Variants in FRMD4B observed in about 807,000 individuals in gnomAD.
FRMD4B encodes FERM domain-containing protein 4B.
A neutral mutation model predicts 141.5 loss-of-function variants in FRMD4B; 74 were observed. That is an observed-to-expected ratio of 0.52 (90% CI 0.43 to 0.63). FRMD4B has a LOEUF of 0.63. Among genes scored for constraint, FRMD4B ranks in the 30% least tolerant of loss-of-function variants. The pLI is 0.00. For missense variants in FRMD4B, 1,366 were observed against 1,253.4 expected (o/e 1.09, Z -1.36); for synonymous variants, 506 against 467.9 (o/e 1.08, Z -1.05).
chr3:69,517,446 A>T (rs942854123), intron 1 of FRMD4B, among the ~76,000 whole-genome samples: 2 of 148,864 alleles, frequency 1.3e-5, no homozygotes, highest in Admixed American at 6.7e-5. Context: ...AGAAAAAAAA[A>T]TTTTAACTGA....
chr3:69,262,176 AGGCTAGTCTTGAACTCCT>A lies in FRMD4B; in HGVS notation c.502-12095_502-12078del, dbSNP rs2093531573. Among the ~76,000 whole-genome samples the A allele has an allele frequency of 1.3e-5, 2 of 152,170 alleles. 1 individual carries two copies. The highest frequency in any genetic ancestry group is 4.1e-4 in the South Asian group (2 of 4,832). ...GAGATGGGGTTTCACCATGTTGGCC[AGGCTAGTCTTGAACTCCT>A]GGCTTCAAGTGATCCACCCACCTCA... On this transcript the variant is annotated intron_variant, in intron 5 of 22. Coordinates refer to ENST00000398540, the MANE Select transcript of FRMD4B (RefSeq NM_015123.3).
intron 1 of FRMD4B, among the ~76,000 whole-genome samples, chr3:69,493,640 G>A (rs1308826609): frequency 6.6e-6 from 1 of 152,100 alleles, no homozygotes; most frequent in Non-Finnish European, 1.5e-5. Flanking sequence ...AGCATTTACA[G>A]CCTCTGTAAT....
intron 1 of FRMD4B, among the ~76,000 whole-genome samples, chr3:69,313,953 C>G (rs1701699488): frequency 6.7e-6 from 1 of 148,394 alleles, no homozygotes; most frequent in Non-Finnish European, 1.5e-5. Flanking sequence ...TCCTGGCTAA[C>G]ACGGTGAAAC....
At chr3:69,476,619 G>C (rs1478254199) in intron 1 of FRMD4B, among the ~76,000 whole-genome samples, 1 of 152,188 alleles carries the variant, frequency 6.6e-6, no homozygotes, top group Non-Finnish European at 1.5e-5. Context: ...TTGTAGTATA[G>C]TTTGAAGTCA....
At chr3:69,250,017 C>T (rs2093450981) in intron 6 of FRMD4B, 26 bp downstream of exon 6, 3 of 1,510,954 alleles carry the variant, frequency 2.0e-6, no homozygotes, top group Non-Finnish European at 1.8e-6. Flanking sequence ...AAGGGAGCTG[C>T]TAAGAGGCAG....
intron 2 of FRMD4B, among the ~76,000 whole-genome samples, chr3:69,427,221 G>A (rs57846498): frequency 0.038 from 5,679 of 149,874 alleles, 293 homozygotes; most frequent in African/African-American, 0.11. Flanking sequence ...GAAGGGCTCT[G>A]TGGTAAAAAT....
intron 11 of FRMD4B, among the ~76,000 whole-genome samples, chr3:69,210,694 G>C (rs576039027): frequency 6.6e-6 from 1 of 152,246 alleles, no homozygotes; most frequent in East Asian, 1.9e-4. Flanking sequence ...TGAAAGAAGT[G>C]CTCACACATC....
intron 1 of FRMD4B, among the ~76,000 whole-genome samples, chr3:69,535,103 T>C (rs1350339165): frequency 6.6e-6 from 1 of 152,210 alleles, no homozygotes; most frequent in African/African-American, 2.4e-5. Flanking sequence ...CCCCACTTTA[T>C]AGATGAAGAA....
At chr3:69,404,967 A>G (rs972532542) in intron 2 of FRMD4B, among the ~76,000 whole-genome samples, 5 of 152,232 alleles carry the variant, frequency 3.3e-5, no homozygotes, top group Admixed American at 6.5e-5. Context: ...ACTTGGTCCA[A>G]TAGCCTAGAA....
chr3:69,420,219 A>C (rs1204393058), intron 2 of FRMD4B, among the ~76,000 whole-genome samples: 1 of 147,816 alleles, frequency 6.8e-6, no homozygotes, highest in Non-Finnish European at 1.5e-5. Flanking sequence ...AAATCTCAGA[A>C]GGGGCGTGGC....
intron 2 of FRMD4B, among the ~76,000 whole-genome samples, chr3:69,312,987 C>T (rs1413641377): frequency 6.6e-6 from 1 of 152,074 alleles, no homozygotes; most frequent in East Asian, 1.9e-4. Flanking sequence ...GATTTTTAAC[C>T]ATAATTCTTC....
chr3:69,202,479 T>TAA (rs1185152077), intron 11 of FRMD4B, among the ~76,000 whole-genome samples: 50 of 126,998 alleles, frequency 3.9e-4, no homozygotes, highest in Middle Eastern at 4.0e-3. Flanking sequence ...ATTAGAGACT[T>TAA]AAAAAAAAAA....
chr3:69,182,686 T>C lies in FRMD4B; in HGVS notation c.1951A>G (p.Lys651Glu), dbSNP rs759223951. The stretch of plus-strand genomic sequence containing the variant: ...CCCTGGGGCCGCCTCTCCAGAGTTT[T>C]GTAAGGGCTGCTGTGTGTGGACAGC... ...EMLSTHSSPY[K>E]TLERRPQGGR... Residue 651 changes from lysine (K) to glutamate (E), a missense_variant, in exon 20 of 23, where the codon AAA (lysine) becomes GAA (glutamate). By Grantham distance (56) the Lys-to-Glu change is moderately conservative. Coordinates refer to ENST00000398540, the MANE Select transcript of FRMD4B (RefSeq NM_015123.3). 4.3e-6 allele frequency: 7 copies of C among 1,613,592 alleles called. No individual in the cohort carries two copies. The highest frequency in any genetic ancestry group is 4.2e-6 in the Non-Finnish European group (5 of 1,179,634).
rs947271735 is a variant in FRMD4B, at chr3:69,426,506, T to C, written c.-1+6128A>G. On this transcript the variant is annotated intron_variant, in intron 2 of 5. Coordinates refer to the FRMD4B transcript ENST00000459638. ...GCCTGGAGCCCTGTTTCAGGAAGTA[T>C]TGTGAGACCCGTTCTGAGTTCTACA... Among the ~76,000 whole-genome samples the C allele has an allele frequency of 1.2e-4, 18 of 152,166 alleles. 1 individual carries two copies. Among genetic ancestry groups the C allele is most frequent in the African/African-American group, 7.2e-5 (3 of 41,436 alleles).
chr3:69,313,005 C>A (rs1045833404), intron 2 of FRMD4B, among the ~76,000 whole-genome samples: 4 of 152,182 alleles, frequency 2.6e-5, no homozygotes, highest in Admixed American at 2.6e-4. Flanking sequence ...TTCTGAGAAG[C>A]CTAGGCAGTT....
chr3:69,365,595 C>T (rs1481378171), intron 1 of FRMD4B, among the ~76,000 whole-genome samples: 20 of 139,228 alleles, frequency 1.4e-4, no homozygotes, highest in Admixed American at 1.3e-3. Flanking sequence ...AACTGCCTCC[C>T]GAATCAAGCA....
rs180897010 is a variant in FRMD4B, at chr3:69,191,124, T to C, written c.1715-1172A>G. Among the ~76,000 whole-genome samples, 655 of 152,314 alleles carry C rather than the reference T, an allele frequency of 4.3e-3. 6 individuals are homozygous for C. The highest frequency in any genetic ancestry group is 1.0e-2 in the Admixed American group (153 of 15,304). On this transcript the variant is annotated intron_variant, in intron 17 of 22. Coordinates refer to ENST00000398540, the MANE Select transcript of FRMD4B (RefSeq NM_015123.3). ...CACTCTATTGCTGGTATCCATCAAA[T>C]GTTAAATAATGTGGCCAGGCACACT...
At chr3:69,463,929 GATGATTGATCACTT>G (rs1705741652) in intron 1 of FRMD4B, among the ~76,000 whole-genome samples, 1 of 152,220 alleles carries the variant, frequency 6.6e-6, no homozygotes, top group Admixed American at 6.5e-5. Flanking sequence ...TATCACAGAA[GATGATTGATCACTT>G]ATTCCCACAG....
intron 1 of FRMD4B, among the ~76,000 whole-genome samples, chr3:69,506,781 C>T (rs1469225848): frequency 6.6e-6 from 1 of 151,704 alleles, no homozygotes; most frequent in Non-Finnish European, 1.5e-5. Flanking sequence ...TGAACTCAAA[C>T]AATTCTCCTG....
Sources: gnomAD v4.1 joint callset for allele counts (sites outside exome capture counted in the v4.1 genomes callset) on GRCh38, gnomAD v4.1.1 for gene constraint, MANE v1.5 for transcripts, NCBI Gene and HGNC (gene_info 2026-07-23, HGNC 2026-07-21) for gene names.